The following SET variants were observed in gnomAD, a reference collection of about 807,000 sequenced individuals.
The protein encoded by SET is protein SET.
Under a neutral mutation model 39.0 loss-of-function variants are expected in SET, and 4 were observed. That is an observed-to-expected ratio of 0.10 (90% confidence interval 0.05 to 0.23). SET has a LOEUF of 0.23. Ranked by LOEUF, SET falls within the 10% of genes least tolerant of loss-of-function variation. SET has a pLI of 1.00. For missense variants in SET, 137 were observed against 329.7 expected (o/e 0.42, Z 4.53); for synonymous variants, 114 against 115.9 (o/e 0.98, Z 0.11).
At chr9:128,684,105 A>C in intron 1 of SET, 1 of 940,466 alleles carries the variant, frequency 1.1e-6, no homozygotes, top group Non-Finnish European at 1.6e-6. Context: ...TGTGACCCCT[A>C]AGCACCCCCA....
chr9:128,690,866 A>C, intron 1 of SET: 2 of 388,146 alleles, frequency 5.2e-6, no homozygotes, highest in South Asian at 5.8e-5. Context: ...AGACTTCTGA[A>C]TAAGGTTATT....
At chr9:128,687,865 C>T (rs1051991636), upstream of SET, among the ~76,000 whole-genome samples, 1 of 152,170 alleles carries the variant, frequency 6.6e-6, no homozygotes, top group Non-Finnish European at 1.5e-5. Context: ...GTTGGGATAA[C>T]AGGAGTGAGC....
intron 7 of SET, among the ~76,000 whole-genome samples, 200 bp from the exon 8 acceptor site, chr9:128,694,441 G>T: frequency 6.6e-6 from 1 of 152,224 alleles, no homozygotes; most frequent in East Asian, 1.9e-4. Context: ...TATTTGATCC[G>T]AAATATACCT....
chr9:128,693,115 C>T, intron 5 of SET, 134 bp downstream of exon 5: 1 of 643,972 alleles, frequency 1.6e-6, no homozygotes, highest in Non-Finnish European at 2.7e-6. Flanking sequence ...TTCCAGTGTG[C>T]TGAAGCCAAG....
chr9:128,689,216 G>C, upstream of SET: 1 of 992,238 alleles, frequency 1.0e-6, no homozygotes, highest in Non-Finnish European at 1.2e-6. Context: ...TGCGCCCTGC[G>C]CCCGCCCCTC....
chr9:128,689,145 G>T (rs1253405196), upstream of SET: 4 of 453,406 alleles, frequency 8.8e-6, no homozygotes, highest in Non-Finnish European at 1.2e-5. Context: ...CCAGGCCAAT[G>T]GCGCCGCGGC....
intron 1 of SET, 100 bp from the exon 2 acceptor site, chr9:128,691,070 T>A (rs186873111): frequency 1.9e-5 from 18 of 938,688 alleles, no homozygotes; most frequent in Admixed American, 1.2e-4. Context: ...ACTAGGCGTT[T>A]TTGTTTTTGT....
chr9:128,695,481 CGTT>C lies in SET; in HGVS notation c.*818_*820del, dbSNP rs1277949618. The C allele has an allele frequency of 1.4e-5, 3 of 221,386 alleles. No individual in the cohort carries two copies. The highest frequency in any genetic ancestry group is 2.8e-5 in the Non-Finnish European group (3 of 108,090). The allele number at this position is 221,386 out of a possible 1,614,324, so 13.7% of individuals were successfully genotyped here. On this transcript the variant is annotated 3_prime_UTR_variant, in exon 8 of 8. Transcript: ENST00000322030. ...AGGAAAGATGATGCTCAGTTTTAAA[CGTT>C]AAAAGTGTACAAGTTGCTTTGTTAC... is the stretch of plus-strand genomic sequence containing the variant.
Position 128,694,022 on chromosome 9 carries a change from G to A in SET, c.790G>A (p.Asp264Asn). ...TGAAGGTGAAGAAGATGAAGATGAT[G>A]ATGAAGGGGAGGAAGGAGAGGTAAA... is the stretch of plus-strand genomic sequence containing the variant. ...EDEGEEDEDD[D>N]EGEEGEEDEG... The change falls in exon 7 of 8, where the codon GAT becomes AAT. Residue 264 changes from aspartate (D) to asparagine (N), a missense_variant. Around this residue, in one of 3 missense-constraint regions of SET, gnomAD observed 44 missense variants for 63.0 expected, o/e 0.70. Transcript: ENST00000322030. 6.5e-7 allele frequency: 1 copy of A among 1,531,108 alleles called. No individual in the cohort carries two copies. Among genetic ancestry groups the A allele is most frequent in the South Asian group, 1.2e-5 (1 of 84,074 alleles). The allele number at this position is 1,531,108 out of a possible 1,614,324, so 94.8% of individuals were successfully genotyped here. A position where few individuals can be genotyped will look rare whatever the true frequency, so the allele number is the denominator to read the frequency against.
In SET at chr9:128,689,563, C is replaced by A. The variant is rs1420104259; in HGVS notation, c.-20C>A. On this transcript the variant is annotated 5_prime_UTR_variant, in exon 1 of 8. Coordinates refer to ENST00000322030, the MANE Select transcript of SET (RefSeq NM_003011.4). ...CTTCTCTCCCCCTCCCCGCTCCCCC[C>A]CCGACCGCGGAGCAGCACCATGTCG... is the stretch of plus-strand genomic sequence containing the variant. The A allele has an allele frequency of 1.8e-5, 24 of 1,339,938 alleles. No individual in the cohort carries two copies. The highest frequency in any genetic ancestry group is 2.8e-4 in the Middle Eastern group (1 of 3,596). The allele number at this position is 1,339,938 out of a possible 1,614,324, so 83.0% of individuals were successfully genotyped here. A position where few individuals can be genotyped will look rare whatever the true frequency, so the allele number is the denominator to read the frequency against.
At chr9:128,687,468 C>T (rs1469801289), upstream of SET, among the ~76,000 whole-genome samples, 3 of 151,974 alleles carry the variant, frequency 2.0e-5, no homozygotes, top group Non-Finnish European at 4.4e-5. Flanking sequence ...ATTAGCAGGG[C>T]GTGGTGACTC....
intron 5 of SET, 101 bp downstream of exon 5, chr9:128,693,082 A>G (rs1245821417): frequency 3.9e-6 from 3 of 761,114 alleles, no homozygotes; most frequent in Middle Eastern, 2.3e-4. Context: ...GTGGCTAAAT[A>G]CAAAACCTTA....
chr9:128,694,162 T>A, intron 7 of SET, 120 bp downstream of exon 7: 1 of 927,590 alleles, frequency 1.1e-6, no homozygotes, highest in Non-Finnish European at 1.5e-6. Flanking sequence ...GGAAAAAAAG[T>A]AAGCCATTTT....
At chr9:128,689,031 G>A (rs935810266), upstream of SET, among the ~76,000 whole-genome samples, 22 of 151,016 alleles carry the variant, frequency 1.5e-4, no homozygotes, top group South Asian at 6.2e-4. Flanking sequence ...AGCGGGGGAG[G>A]GGACGCGGCG....
rs760981674 is a variant in SET, at chr9:128,693,979, CGAA to C, written c.752_754del (p.Glu251del). The C allele has an allele frequency of 4.3e-5, 67 of 1,544,794 alleles. 1 individual carries two copies. Among genetic ancestry groups the C allele is most frequent in the African/African-American group, 8.3e-5 (6 of 72,558 alleles). The stretch of plus-strand genomic sequence containing the variant: ...AGGAGGAAGGATTAGAAGATATTGA[CGAA>C]GAAGGGGATGAGGATGAAGGTGAAG... On this transcript the variant is annotated inframe_deletion, in exon 7 of 8. Transcript: ENST00000322030.
chr9:128,685,182 C>A, upstream of SET: 2 of 1,599,552 alleles, frequency 1.3e-6, no homozygotes, highest in Non-Finnish European at 8.5e-7. Flanking sequence ...GATGCAGAGA[C>A]CTCCTGCCCA....
chr9:128,691,314 C>G, intron 2 of SET, 87 bp downstream of exon 2: 1 of 832,590 alleles, frequency 1.2e-6, no homozygotes, highest in Non-Finnish European at 2.0e-6. Context: ...TCAAATCTAT[C>G]CACTGTCAAA....
chr9:128,689,965 C>G lies in SET; in HGVS notation c.73+310C>G, dbSNP rs770143967. The G allele has an allele frequency of 2.2e-5, 20 of 895,928 alleles. No individual in the cohort carries two copies. In the East Asian group the frequency reaches 1.8e-3, roughly 82 times the overall value. The allele number at this position is 895,928 out of a possible 1,614,324, so 55.5% of individuals were successfully genotyped here. A position where few individuals can be genotyped will look rare whatever the true frequency, so the allele number is the denominator to read the frequency against. On this transcript the variant is annotated intron_variant, in intron 1 of 7. Transcript: ENST00000322030. ...CTCCCCCTCCCTCCCTCCCGAGAAG[C>G]CTCTCTTTATTGTGCTCCGCCATGA...
intron 1 of SET, among the ~76,000 whole-genome samples, chr9:128,684,216 A>G (rs1207474287): frequency 1.3e-5 from 2 of 151,912 alleles, no homozygotes; most frequent in Non-Finnish European, 2.9e-5. Context: ...CCTGCCCCCA[A>G]CTCAACACTG....
Sources: gnomAD v4.1 joint callset for allele counts (sites outside exome capture counted in the v4.1 genomes callset) on GRCh38, gnomAD v4.1.1 for gene constraint, gnomAD v4.1.1 regional missense constraint, MANE v1.5 for transcripts, NCBI Gene and HGNC (gene_info 2026-07-23, HGNC 2026-07-21) for gene names.